The following EYS variants were observed in gnomAD, a reference collection of about 807,000 sequenced individuals.
EYS encodes the protein EGF-like photoreceptor maintenance factor.
A neutral mutation model predicts 282.1 loss-of-function variants in EYS; 250 were observed. That is an observed-to-expected ratio of 0.89 (90% confidence interval 0.80 to 0.98). The LOEUF is 0.98. EYS is among the 50% of genes least tolerant of loss of function. The pLI is 0.00. For missense variants in EYS, 4,016 were observed against 3,709.0 expected (o/e 1.08, Z -2.15); for synonymous variants, 1,355 against 1,282.9 (o/e 1.06, Z -1.20).
intron 29 of EYS, among the ~76,000 whole-genome samples, chr6:64,342,628 C>T (rs537262943): frequency 5.3e-5 from 8 of 152,122 alleles, no homozygotes; most frequent in Non-Finnish European, 8.8e-5. Context: ...ATTGTAAAGA[C>T]CATAAAGGCT....
chr6:65,383,718 T>A (rs1765701503), intron 8 of EYS, among the ~76,000 whole-genome samples: 1 of 151,890 alleles, frequency 6.6e-6, no homozygotes, highest in South Asian at 2.1e-4. Context: ...GTTTATAAAA[T>A]TTTAAAATTC....
chr6:65,319,204 C>CAAAAAAAAAAAAAAAAAAAA (rs55687610), intron 11 of EYS, among the ~76,000 whole-genome samples: 2 of 44,394 alleles, frequency 4.5e-5, no homozygotes, highest in African/African-American at 8.8e-5. Context: ...ACTAAAAATG[C>CAAAAAAAAAAAAAAAAAAAA]AAAAAAAAAA....
intron 12 of EYS, among the ~76,000 whole-genome samples, chr6:65,235,076 T>C (rs1438988060): frequency 6.6e-6 from 1 of 152,178 alleles, no homozygotes; most frequent in African/African-American, 2.4e-5. Context: ...AGCATTAAAT[T>C]GTCACAGAAA....
intron 30 of EYS, among the ~76,000 whole-genome samples, chr6:64,292,820 C>T (rs1341413418): frequency 6.6e-6 from 1 of 151,952 alleles, no homozygotes; most frequent in East Asian, 1.9e-4. Context: ...ATGTATTTGG[C>T]CCCATTCTGA....
At chr6:64,136,760 C>T (rs1332846475) in intron 31 of EYS, among the ~76,000 whole-genome samples, 1 of 151,992 alleles carries the variant, frequency 6.6e-6, no homozygotes, top group East Asian at 1.9e-4. Context: ...AACAGATGTG[C>T]CATAATCTAG....
At chr6:65,391,300 T>C (rs1202566622) in intron 7 of EYS, among the ~76,000 whole-genome samples, 1 of 152,088 alleles carries the variant, frequency 6.6e-6, no homozygotes, top group Admixed American at 6.6e-5. Context: ...ATGGCAACAA[T>C]GTCCTAGATA....
chr6:64,287,032 A>G (rs1322929942), intron 30 of EYS, among the ~76,000 whole-genome samples: 1 of 152,176 alleles, frequency 6.6e-6, no homozygotes, highest in Non-Finnish European at 1.5e-5. Flanking sequence ...TTTATATGTA[A>G]AAACAAAAAC....
intron 35 of EYS, among the ~76,000 whole-genome samples, chr6:63,927,048 G>A (rs1480924743): frequency 6.6e-6 from 1 of 152,176 alleles, no homozygotes; most frequent in African/African-American, 2.4e-5. Context: ...TGAATTGGAT[G>A]AAGACTAATA....
intron 22 of EYS, among the ~76,000 whole-genome samples, chr6:64,692,473 C>CT (rs1290338178): frequency 2.0e-5 from 3 of 152,020 alleles, no homozygotes; most frequent in African/African-American, 7.2e-5. Context: ...GTTTAATTCA[C>CT]TTGCGCTTAT....
At chr6:63,833,195 T>C (rs138247708) in intron 36 of EYS, among the ~76,000 whole-genome samples, 20,303 of 152,030 alleles carry the variant, frequency 0.13, 1,720 homozygotes, top group African/African-American at 0.24. Flanking sequence ...CTATTCAACA[T>C]GGTGTTGGAA....
rs553386868 is a variant in EYS, at chr6:65,023,674, A to C, written c.2138-25971T>G. On this transcript the variant is annotated intron_variant, in intron 13 of 42. Coordinates refer to ENST00000503581, the MANE Select transcript of EYS (RefSeq NM_001142800.2). ...CAGTTTTGAAACCAGTTGAAGCAGC[A>C]CAAGTGGACACAGAAATTTCTTCCA... 9.8e-5 allele frequency among the ~76,000 whole-genome samples: 15 copies of C among 152,344 alleles called. No homozygotes were observed. The East Asian group carries it at 2.9e-3, about 29-fold the overall frequency.
intron 13 of EYS, among the ~76,000 whole-genome samples, chr6:65,018,771 C>T (rs1304410535): frequency 6.6e-6 from 1 of 151,998 alleles, no homozygotes; most frequent in East Asian, 1.9e-4. Flanking sequence ...CTCATATTTC[C>T]TCTAAGGTTA....
chr6:64,751,226 C>T (rs1191206116), intron 22 of EYS, among the ~76,000 whole-genome samples: 1 of 152,178 alleles, frequency 6.6e-6, no homozygotes, highest in African/African-American at 2.4e-5. Context: ...ATTTGCTCCC[C>T]TGGTTTTGGA....
chr6:63,983,703 T>G (rs576778093), intron 35 of EYS, among the ~76,000 whole-genome samples: 1 of 151,948 alleles, frequency 6.6e-6, no homozygotes, highest in East Asian at 1.9e-4. Context: ...GCTTCCATTC[T>G]GTCATTATTT....
At chr6:63,911,537 ATTTG>A (rs960876877) in intron 35 of EYS, among the ~76,000 whole-genome samples, 10 of 152,190 alleles carry the variant, frequency 6.6e-5, no homozygotes, top group Admixed American at 5.2e-4. Context: ...CCATTCATTT[ATTTG>A]TTTATTTAAT....
chr6:65,164,417 AT>A (rs66997223), intron 12 of EYS, among the ~76,000 whole-genome samples: 20,814 of 150,912 alleles, frequency 0.14, 2,047 homozygotes, highest in African/African-American at 0.28. Context: ...TGCATTTGTT[AT>A]TTTTTTCCTT....
At chr6:64,359,191 T>C (rs937912380) in intron 29 of EYS, among the ~76,000 whole-genome samples, 1 of 151,838 alleles carries the variant, frequency 6.6e-6, no homozygotes, top group South Asian at 2.1e-4. Context: ...GTAAAGAATA[T>C]TCTGTTGCCA....
chr6:65,400,177 G>A (rs1766439886), intron 7 of EYS, among the ~76,000 whole-genome samples: 1 of 151,922 alleles, frequency 6.6e-6, no homozygotes, highest in African/African-American at 2.4e-5. Flanking sequence ...AAGAGTGAGA[G>A]GAATTCTCTA....
chr6:64,211,868 C>A (rs768408313), intron 31 of EYS, among the ~76,000 whole-genome samples: 1 of 151,842 alleles, frequency 6.6e-6, no homozygotes, highest in Non-Finnish European at 1.5e-5. Flanking sequence ...GTAATCCCAG[C>A]ACTTTCAGAG....
Sources: gnomAD v4.1 joint callset for allele counts (sites outside exome capture counted in the v4.1 genomes callset) on GRCh38, gnomAD v4.1.1 for gene constraint, MANE v1.5 for transcripts, NCBI Gene and HGNC (gene_info 2026-07-23, HGNC 2026-07-21) for gene names.